Variants in PDGFD observed in about 807,000 individuals in gnomAD.
PDGFD encodes platelet derived growth factor D, also known as platelet-derived growth factor D.
In PDGFD, 30 loss-of-function variants were observed where a neutral mutation model predicts 44.7. That is an observed-to-expected ratio of 0.67 (90% CI 0.50 to 0.91). The LOEUF (loss-of-function observed/expected upper bound fraction) is 0.91, where lower values mean the gene tolerates loss of function less well. Among genes scored for constraint, PDGFD ranks in the 40% least tolerant of loss-of-function variants. The pLI is 0.00. For synonymous variants in PDGFD, 173 were observed against 168.4 expected (o/e 1.03, Z -0.21); for missense variants, 445 against 457.8 (o/e 0.97, Z 0.25).
chr11:103,962,977 A>G (rs963266331), intron 3 of PDGFD, among the ~76,000 whole-genome samples: 6 of 152,230 alleles, frequency 3.9e-5, no homozygotes, highest in African/African-American at 1.2e-4. Context: ...TCTGCATGCA[A>G]ATTCCAACTT....
chr11:104,118,485 C>G (rs542935944), intron 1 of PDGFD, among the ~76,000 whole-genome samples: 23 of 151,504 alleles, frequency 1.5e-4, no homozygotes, highest in African/African-American at 4.8e-4. Context: ...ATCTTGTAAC[C>G]TAAACTTAGA....
At chr11:104,095,336 A>G (rs1035743719) in intron 1 of PDGFD, among the ~76,000 whole-genome samples, 14 of 152,084 alleles carry the variant, frequency 9.2e-5, no homozygotes, top group Non-Finnish European at 1.6e-4. Context: ...CACACAATAC[A>G]CCTAAGAATT....
intron 5 of PDGFD, among the ~76,000 whole-genome samples, chr11:103,937,388 C>A (rs1431359829): frequency 6.6e-6 from 1 of 152,086 alleles, no homozygotes; most frequent in Admixed American, 6.6e-5. Flanking sequence ...AAGAACAGAT[C>A]TTACTTATAT....
intron 1 of PDGFD, among the ~76,000 whole-genome samples, chr11:104,005,998 T>G (rs1222843154): frequency 6.6e-6 from 1 of 152,212 alleles, no homozygotes; most frequent in Non-Finnish European, 1.5e-5. Context: ...CAATTAAAAT[T>G]TTTAAAAAGC....
intron 6 of PDGFD, among the ~76,000 whole-genome samples, chr11:103,918,137 A>C (rs1163064520): frequency 6.6e-6 from 1 of 152,214 alleles, no homozygotes; most frequent in Non-Finnish European, 1.5e-5. Flanking sequence ...GGAATACCCT[A>C]AGAAAGTTCT....
At chr11:104,096,974 C>T (rs532105013) in intron 1 of PDGFD, among the ~76,000 whole-genome samples, 1 of 152,262 alleles carries the variant, frequency 6.6e-6, no homozygotes, top group Admixed American at 6.5e-5. Context: ...CCTCTTATCT[C>T]AACACAGCTT....
intron 5 of PDGFD, among the ~76,000 whole-genome samples, chr11:103,940,575 T>C (rs574816812): frequency 3.9e-5 from 6 of 152,244 alleles, no homozygotes; most frequent in African/African-American, 4.8e-5. Context: ...ACTGCTCCCC[T>C]CCTCATACAT....
At chr11:104,093,999 C>T (rs985537455) in intron 1 of PDGFD, among the ~76,000 whole-genome samples, 1 of 151,728 alleles carries the variant, frequency 6.6e-6, no homozygotes, top group Admixed American at 6.6e-5. Flanking sequence ...CCTGCCTTAT[C>T]ATTCCACATT....
chr11:103,908,804 G>A lies in PDGFD; in HGVS notation c.*890C>T, dbSNP rs540358690. 17 of 152,262 alleles carry A rather than the reference G, an allele frequency of 1.1e-4. No individual in the cohort carries two copies. In the South Asian group the frequency reaches 3.5e-3, roughly 32 times the overall value. The allele number at this position is 152,262 out of a possible 1,614,324, so 9.4% of individuals were successfully genotyped here. ...CCACATCTTTCACTGAACACCATCT[G>A]GAAAGGTTCATACAGAATGCCCATG... On this transcript the variant is annotated 3_prime_UTR_variant, in exon 7 of 7. Coordinates refer to ENST00000393158, the MANE Select transcript of PDGFD (RefSeq NM_025208.5).
At position 103,971,187 on chromosome 11, in the gene PDGFD, G is replaced by T. The variant is rs77539072; in HGVS notation, c.511-23463C>A. On this transcript the variant is annotated intron_variant, in intron 3 of 6. Coordinates refer to ENST00000393158, the MANE Select transcript of PDGFD (RefSeq NM_025208.5). ...ATTTAGTTTTTTTATCTTTCTATTT[G>T]CCTGGAATATATTTTATGAAAATCA... Among the ~76,000 whole-genome samples the T allele has an allele frequency of 3.1e-3, 469 of 151,714 alleles. 1 individual carries two copies. The highest frequency in any genetic ancestry group is 0.01 in the African/African-American group (430 of 41,362).
intron 1 of PDGFD, among the ~76,000 whole-genome samples, chr11:104,049,794 T>G (rs1860500211): frequency 6.6e-6 from 1 of 152,182 alleles, no homozygotes; most frequent in African/African-American, 2.4e-5. Flanking sequence ...GGATGAGGTC[T>G]GAGAATTGAT....
chr11:104,098,857 T>C (rs1861324774), intron 1 of PDGFD, among the ~76,000 whole-genome samples: 1 of 152,066 alleles, frequency 6.6e-6, no homozygotes, highest in South Asian at 2.1e-4. Context: ...AAATGCACAA[T>C]GTTATACAGA....
chr11:103,947,832 C>A, intron 3 of PDGFD, 108 bp from the exon 4 acceptor site: 1 of 808,408 alleles, frequency 1.2e-6, no homozygotes, highest in Non-Finnish European at 2.1e-6. Context: ...TAAGTGACAA[C>A]AGACATAGGG....
At chr11:104,066,677 T>A (rs1770937530) in intron 1 of PDGFD, among the ~76,000 whole-genome samples, 1 of 152,198 alleles carries the variant, frequency 6.6e-6, no homozygotes, top group South Asian at 2.1e-4. Context: ...GCTATTTCAA[T>A]AATATTCTTA....
At chr11:104,056,788 T>C (rs531612675) in intron 1 of PDGFD, among the ~76,000 whole-genome samples, 3 of 152,182 alleles carry the variant, frequency 2.0e-5, no homozygotes, top group Admixed American at 1.3e-4. Context: ...CATTTTTTTA[T>C]ATACTAGCAG....
chr11:104,053,696 C>T (rs1343872719), intron 1 of PDGFD, among the ~76,000 whole-genome samples: 2 of 152,254 alleles, frequency 1.3e-5, no homozygotes, highest in African/African-American at 4.8e-5. Context: ...GGGTTCAGAA[C>T]AAGAAGCGCA....
intron 6 of PDGFD, among the ~76,000 whole-genome samples, chr11:103,921,959 A>T (rs1189125648): frequency 6.6e-6 from 1 of 151,476 alleles, no homozygotes; most frequent in Non-Finnish European, 1.5e-5. Context: ...GCTAGTGACT[A>T]CCATATGGAA....
chr11:104,162,569 C>A (rs1308586860), intron 1 of PDGFD, among the ~76,000 whole-genome samples: 2 of 151,534 alleles, frequency 1.3e-5, no homozygotes, highest in Non-Finnish European at 2.9e-5. Flanking sequence ...TAAGATGACT[C>A]TGTGGCTTCC....
At chr11:104,131,801 TA>T (rs55959221) in intron 1 of PDGFD, among the ~76,000 whole-genome samples, 10,181 of 70,876 alleles carry the variant, frequency 0.14, 457 homozygotes, top group South Asian at 0.23. Flanking sequence ...CAATGAACTG[TA>T]AAAAAAAAAA....
Sources: allele counts gnomAD v4.1 joint callset (sites outside exome capture counted in the v4.1 genomes callset), GRCh38; gene constraint gnomAD v4.1.1; transcripts MANE v1.5; gene names NCBI Gene and HGNC (gene_info 2026-07-23, HGNC 2026-07-21).